DYNC1I1: variants seen among roughly 807,000 people sequenced by gnomAD.
DYNC1I1 encodes dynein cytoplasmic 1 intermediate chain 1.
In DYNC1I1, 43 loss-of-function variants were observed where a neutral mutation model predicts 86.6. The ratio of observed to expected loss-of-function variants is 0.50; its 90% CI spans 0.39 to 0.64. The LOEUF is 0.64. Ranked by LOEUF, DYNC1I1 falls within the 30% of genes least tolerant of loss-of-function variation. The pLI is 0.00. For synonymous variants in DYNC1I1, 262 were observed against 283.7 expected (o/e 0.92, Z 0.77); for missense variants, 604 against 788.8 (o/e 0.77, Z 2.81).
intron 6 of DYNC1I1, among the ~76,000 whole-genome samples, chr7:95,924,538 G>C (rs908562851): frequency 6.6e-6 from 1 of 152,122 alleles, no homozygotes; most frequent in Non-Finnish European, 1.5e-5. Flanking sequence ...TATGTGGCTT[G>C]CATTGTATGT....
intron 16 of DYNC1I1, among the ~76,000 whole-genome samples, chr7:96,086,949 TA>T (rs1168162731): frequency 6.6e-6 from 1 of 151,842 alleles, no homozygotes; most frequent in African/African-American, 2.4e-5. Context: ...AGAATAAGAA[TA>T]AAAAAAAGAG....
At chr7:96,013,867 A>G (rs1794339314) in intron 10 of DYNC1I1, among the ~76,000 whole-genome samples, 1 of 152,176 alleles carries the variant, frequency 6.6e-6, no homozygotes, top group African/African-American at 2.4e-5. Flanking sequence ...TTCCAACTCC[A>G]AAGGATCCAT....
At chr7:96,104,761 T>C (rs927870555) in intron 16 of DYNC1I1, among the ~76,000 whole-genome samples, 5 of 152,170 alleles carry the variant, frequency 3.3e-5, no homozygotes, top group Non-Finnish European at 5.9e-5. Flanking sequence ...TCACACTGTC[T>C]TGGTTGCAAT....
At chr7:95,884,660 A>G (rs1790543675) in intron 6 of DYNC1I1, among the ~76,000 whole-genome samples, 1 of 152,126 alleles carries the variant, frequency 6.6e-6, no homozygotes, top group African/African-American at 2.4e-5. Context: ...TTGGCCGGGC[A>G]TGGTGGCTCA....
Position 95,990,250 on chromosome 7 carries a change from C to T in DYNC1I1, c.843+3095C>T, listed in dbSNP as rs950501032. Among the ~76,000 whole-genome samples the T allele has an allele frequency of 2.6e-5, 4 of 152,124 alleles. No individual in the cohort carries two copies. In the South Asian group the frequency reaches 6.2e-4, roughly 24 times the overall value. On this transcript the variant is annotated intron_variant, in intron 9 of 16. Coordinates refer to ENST00000447467, the MANE Select transcript of DYNC1I1 (RefSeq NM_001135556.2). The stretch of plus-strand genomic sequence containing the variant: ...CAGTCAATAATACTATCACATACCA[C>T]GTGACAGTTTTCAGATGTGTGCAGA...
intron 6 of DYNC1I1, among the ~76,000 whole-genome samples, chr7:95,941,918 C>T (rs994413338): frequency 6.6e-6 from 1 of 152,074 alleles, no homozygotes; most frequent in African/African-American, 2.4e-5. Context: ...AGCTGTAGAC[C>T]GGAGCTGTTC....
chr7:95,909,822 G>A (rs1791281572), intron 6 of DYNC1I1, among the ~76,000 whole-genome samples: 1 of 152,162 alleles, frequency 6.6e-6, no homozygotes, highest in South Asian at 2.1e-4. Context: ...CCCAGCATCT[G>A]GTTGCTCTTG....
intron 7 of DYNC1I1, among the ~76,000 whole-genome samples, chr7:95,978,204 C>A (rs1793357100): frequency 6.6e-6 from 1 of 152,132 alleles, no homozygotes. Flanking sequence ...ACTGTTATTA[C>A]CCCTATTTAT....
At chr7:96,020,679 C>CAGG (rs1173008943) in intron 10 of DYNC1I1, among the ~76,000 whole-genome samples, 2 of 152,182 alleles carry the variant, frequency 1.3e-5, no homozygotes, top group African/African-American at 4.8e-5. Context: ...TAATTGAAAG[C>CAGG]AGGATCTCAA....
chr7:95,997,730 A>T (rs770121937), intron 10 of DYNC1I1, among the ~76,000 whole-genome samples: 19 of 150,634 alleles, frequency 1.3e-4, no homozygotes, highest in Non-Finnish European at 2.1e-4. Context: ...TCGTGATTTT[A>T]AAAAAAAAGC....
intron 6 of DYNC1I1, among the ~76,000 whole-genome samples, chr7:95,945,419 C>T (rs983818210): frequency 6.6e-6 from 1 of 152,058 alleles, no homozygotes; most frequent in South Asian, 2.1e-4. Flanking sequence ...CATAAATATT[C>T]CTTCAGTTTA....
chr7:96,080,397 C>A lies in DYNC1I1; in HGVS notation c.1685C>A (p.Ser562Tyr). 6.2e-7 allele frequency: 1 copy of A among 1,612,392 alleles called. No homozygotes were observed. The highest frequency in any genetic ancestry group is 1.1e-5 in the South Asian group (1 of 90,686). ...PTASVAIEGASALNRVRWAQA... is the reference protein window; with the variant it reads ...PTASVAIEGAYALNRVRWAQA... ...GCAAGTGTGGCCATTGAGGGGGCATCCGCCCTAAACCGTGTTCGTTGGGCC... is the reference window on the plus strand; with the variant it reads ...GCAAGTGTGGCCATTGAGGGGGCATACGCCCTAAACCGTGTTCGTTGGGCC... The change falls in exon 16 of 17, where the codon TCC becomes TAC. Residue 562 changes from serine (S) to tyrosine (Y), a missense_variant. Physicochemically the swap from Ser to Tyr is moderately radical, Grantham distance 144. Coordinates refer to ENST00000447467, the MANE Select transcript of DYNC1I1 (RefSeq NM_001135556.2).
At chr7:96,090,152 A>G (rs1486470660) in intron 16 of DYNC1I1, among the ~76,000 whole-genome samples, 6 of 152,150 alleles carry the variant, frequency 3.9e-5, no homozygotes, top group Admixed American at 2.6e-4. Context: ...TTTCTGAGGA[A>G]AGAAGGATGA....
At chr7:95,902,179 T>C (rs910313703) in intron 6 of DYNC1I1, among the ~76,000 whole-genome samples, 18 of 152,188 alleles carry the variant, frequency 1.2e-4, no homozygotes, top group Admixed American at 1.2e-3. Flanking sequence ...TTGTTTTTGG[T>C]ATATGAGCCC....
At chr7:96,088,800 C>T (rs573371454) in intron 16 of DYNC1I1, among the ~76,000 whole-genome samples, 19 of 152,134 alleles carry the variant, frequency 1.2e-4, no homozygotes, top group Admixed American at 8.5e-4. Context: ...ACTTGAAAAG[C>T]GAGGAAGTGA....
At chr7:96,052,199 T>A (rs1171230157) in intron 14 of DYNC1I1, among the ~76,000 whole-genome samples, 1 of 152,182 alleles carries the variant, frequency 6.6e-6, no homozygotes, top group Admixed American at 6.6e-5. Flanking sequence ...AATATTTAGT[T>A]AGCAGTAGTT....
chr7:95,836,722 C>T (rs1022543632), intron 5 of DYNC1I1, among the ~76,000 whole-genome samples: 11 of 152,200 alleles, frequency 7.2e-5, no homozygotes, highest in East Asian at 3.9e-4. Context: ...TTCATTTCAT[C>T]TTCCATTGCT....
At chr7:95,887,928 C>T (rs538174816) in intron 6 of DYNC1I1, among the ~76,000 whole-genome samples, 43 of 152,242 alleles carry the variant, frequency 2.8e-4, no homozygotes, top group African/African-American at 8.4e-4. Context: ...AGCTACTATC[C>T]TACAAGATGA....
chr7:96,001,673 T>C (rs1007041575), intron 10 of DYNC1I1, among the ~76,000 whole-genome samples: 3 of 152,196 alleles, frequency 2.0e-5, no homozygotes, highest in Non-Finnish European at 4.4e-5. Flanking sequence ...GGCCACTGTC[T>C]TGTTGTGTCT....
Sources: allele counts gnomAD v4.1 joint callset (sites outside exome capture counted in the v4.1 genomes callset), GRCh38; gene constraint gnomAD v4.1.1; transcripts MANE v1.5; gene names NCBI Gene and HGNC (gene_info 2026-07-23, HGNC 2026-07-21).